PRRC2C: variants seen among roughly 807,000 people sequenced by gnomAD.
PRRC2C encodes the protein proline rich coiled-coil 2C, also known as protein PRRC2C.
PRRC2C carries 72 observed loss-of-function variants against 317.2 expected under a neutral mutation model. That is an observed-to-expected ratio of 0.23 (90% CI 0.19 to 0.28). PRRC2C has a LOEUF of 0.28. PRRC2C is among the 10% of genes least tolerant of loss of function. The pLI is 1.00. For synonymous variants in PRRC2C, 1,296 were observed against 1,205.9 expected, an observed-to-expected ratio of 1.07 and a Z score of -1.55; for missense variants, 3,074 against 3,459.7, an observed-to-expected ratio of 0.89 and a Z score of 2.80.
Position 171,515,823 on chromosome 1 carries a change from G to T in PRRC2C, c.490G>T (p.Asp164Tyr). 1 of 1,611,618 alleles carries T rather than the reference G, an allele frequency of 6.2e-7. No individual in the cohort carries two copies. The highest frequency in any genetic ancestry group is 1.1e-5 in the South Asian group (1 of 90,746). ...QEKKEKETND[D>Y]NYGPGPSLRP... is the part of the protein sequence containing the mutation. ...AAAAAAAGAAAAGGAAACAAATGAT[G>T]ACAACTATGGACCTGGACCCAGTTT... is the stretch of plus-strand genomic sequence containing the variant. Residue 164 changes from aspartate (D) to tyrosine (Y), a missense_variant, in exon 5 of 35, where the codon GAC becomes TAC. By Grantham distance (160) the Asp-to-Tyr change is radical. Transcript: ENST00000647382.
Position 171,539,993 on chromosome 1 carries a change from G to A in PRRC2C, c.2527G>A (p.Glu843Lys). Residue 843 changes from glutamate (E) to lysine (K), a missense_variant, in exon 16 of 35, where the codon GAA becomes AAA. Coordinates refer to ENST00000647382, the MANE Select transcript of PRRC2C (RefSeq NM_001387844.1). The part of the protein sequence containing the change: ...DVRSEAALDQ[E>K]QITAAYSVEH... ...TAGGTCTGAAGCTGCGTTGGACCAG[G>A]AACAGATTACTGCTGCTTATTCTGT... 2.5e-6 allele frequency: 4 copies of A among 1,612,048 alleles called. No individual in the cohort carries two copies. The highest frequency in any genetic ancestry group is 3.4e-6 in the Non-Finnish European group (4 of 1,179,186).
At chr1:171,492,820 T>C (rs1173191980) in intron 1 of PRRC2C, among the ~76,000 whole-genome samples, 1 of 151,822 alleles carries the variant, frequency 6.6e-6, no homozygotes, top group Non-Finnish European at 1.5e-5. Context: ...GGTGCGATCT[T>C]GGCTCACTGC....
chr1:171,573,265 A>G (rs1685087039), intron 24 of PRRC2C, among the ~76,000 whole-genome samples: 2 of 152,356 alleles, frequency 1.3e-5, no homozygotes, highest in Middle Eastern at 3.4e-3. Flanking sequence ...TAAAAACTTC[A>G]AATTATCTTT....
At chr1:171,543,058 T>TG (rs1678277809) in intron 16 of PRRC2C, among the ~76,000 whole-genome samples, 1 of 149,086 alleles carries the variant, frequency 6.7e-6, no homozygotes, top group Admixed American at 6.7e-5. Context: ...CTGCACCTGT[T>TG]GCTTGGCCTG....
intron 24 of PRRC2C, among the ~76,000 whole-genome samples, chr1:171,573,056 A>G (rs557102908): frequency 8.5e-4 from 129 of 152,352 alleles, no homozygotes; most frequent in African/African-American, 3.0e-3. Context: ...TGATGGATCC[A>G]TAGAATAGCA....
intron 17 of PRRC2C, among the ~76,000 whole-genome samples, chr1:171,549,727 A>G (rs1240813084): frequency 1.3e-5 from 2 of 151,850 alleles, no homozygotes; most frequent in East Asian, 3.9e-4. Context: ...ACACACATCT[A>G]ATTTTTGTAT....
At chr1:171,520,716 CAA>C (rs1346379055) in intron 6 of PRRC2C, among the ~76,000 whole-genome samples, 1 of 150,716 alleles carries the variant, frequency 6.6e-6, no homozygotes, top group Non-Finnish European at 1.5e-5. Flanking sequence ...GAGTATCCCT[CAA>C]AGTTTCCCCA....
intron 18 of PRRC2C, among the ~76,000 whole-genome samples, chr1:171,553,072 C>T (rs1222071922): frequency 6.6e-6 from 1 of 152,194 alleles, no homozygotes; most frequent in Non-Finnish European, 1.5e-5. Context: ...TAGAATTCAG[C>T]TCTGAATCTG....
chr1:171,560,093 T>C (rs1682367019), intron 19 of PRRC2C, among the ~76,000 whole-genome samples: 1 of 152,228 alleles, frequency 6.6e-6, no homozygotes, highest in African/African-American at 2.4e-5. Context: ...GTGATTCTTC[T>C]GATGGATCTG....
At chr1:171,579,019 A>T (rs1047525353) in intron 26 of PRRC2C, among the ~76,000 whole-genome samples, 8 of 152,222 alleles carry the variant, frequency 5.3e-5, no homozygotes, top group African/African-American at 1.9e-4. Flanking sequence ...ATTGGAGTAG[A>T]ATTGCTGGTT....
intron 32 of PRRC2C, among the ~76,000 whole-genome samples, chr1:171,588,158 C>T (rs1650485042): frequency 6.6e-6 from 1 of 152,014 alleles, no homozygotes; most frequent in Non-Finnish European, 1.5e-5. Context: ...AAAATATTGT[C>T]CAAGCTGGTC....
At chr1:171,507,763 A>G (rs1670532772) in intron 1 of PRRC2C, among the ~76,000 whole-genome samples, 1 of 152,196 alleles carries the variant, frequency 6.6e-6, no homozygotes. Flanking sequence ...TGGCTTGTTA[A>G]CAATATTAAT....
intron 12 of PRRC2C, among the ~76,000 whole-genome samples, chr1:171,533,633 T>G (rs1229121338): frequency 3.3e-5 from 5 of 152,172 alleles, no homozygotes; most frequent in Admixed American, 6.5e-5. Context: ...TGGTGGTTGT[T>G]GTTGTTTTTG....
intron 18 of PRRC2C, among the ~76,000 whole-genome samples, chr1:171,553,886 A>G (rs1412296623): frequency 1.3e-5 from 2 of 152,328 alleles, no homozygotes; most frequent in African/African-American, 2.4e-5. Context: ...CTTACTTCCA[A>G]CTATTTGGTC....
In PRRC2C at chr1:171,541,729, G is replaced by A. The variant is rs147829253; in HGVS notation, c.4263G>A (p.Arg1421=). 49 of 1,613,776 alleles carry A rather than the reference G, an allele frequency of 3.0e-5. No individual in the cohort carries two copies. The highest frequency in any genetic ancestry group is 6.7e-5 in the African/African-American group (5 of 74,894). ...FERKFDPARE[R]PRRQRPTRPP... Reference sequence around the variant, plus strand: ...GAAAATTTGACCCAGCTAGAGAAAGGCCTCGAAGGCAGCGTCCTACTCGAC... The same window carrying A: ...GAAAATTTGACCCAGCTAGAGAAAGACCTCGAAGGCAGCGTCCTACTCGAC... Residue 1421 remains arginine (R), a synonymous_variant, in exon 16 of 35, where the codon AGG becomes AGA. Transcript: ENST00000647382. The surrounding 1 kb of genome is among the most constrained non-coding windows in gnomAD (Gnocchi z 4.1).
At chr1:171,505,544 T>G (rs929816832) in intron 1 of PRRC2C, among the ~76,000 whole-genome samples, 2 of 151,118 alleles carry the variant, frequency 1.3e-5, no homozygotes, top group Non-Finnish European at 2.9e-5. Context: ...CCTTCCAATT[T>G]GAATTTTTTT....
At chr1:171,542,824 G>A (rs61814672) in intron 16 of PRRC2C, among the ~76,000 whole-genome samples, 22,790 of 151,796 alleles carry the variant, frequency 0.15, 2,313 homozygotes, top group East Asian at 0.44. Flanking sequence ...GCAGTGGCGT[G>A]ATCTCGGCTC....
rs1681705822 is a variant in PRRC2C at position 171,557,580 on chromosome 1, C to A, written c.5468C>A (p.Ala1823Asp). Reference protein sequence around the residue: ...ASASVSASVPASTSAAAITSS... With the variant: ...ASASVSASVPDSTSAAAITSS... ...GCCTCAGTCTCAGCTTCAGTTCCAG[C>A]CTCTACTTCAGCTGCAGCTATAACC... The change falls in exon 19 of 35, where the codon GCC becomes GAC. Residue 1823 changes from alanine (A) to aspartate (D), a missense_variant. By Grantham distance (126) the Ala-to-Asp change is moderately radical (BLOSUM62 -2). Transcript: ENST00000647382. 1 of 1,551,718 alleles carries A rather than the reference C, an allele frequency of 6.4e-7. No individual in the cohort carries two copies. The highest frequency in any genetic ancestry group is 8.7e-7 in the Non-Finnish European group (1 of 1,146,990).
chr1:171,528,006 T>C (rs1384016872), intron 11 of PRRC2C, among the ~76,000 whole-genome samples, 162 bp downstream of exon 11: 1 of 152,180 alleles, frequency 6.6e-6, no homozygotes, highest in African/African-American at 2.4e-5. Context: ...ATTTTCATTC[T>C]CAGTTGATAA....
Sources: allele counts gnomAD v4.1 joint callset (sites outside exome capture counted in the v4.1 genomes callset), GRCh38; gene constraint gnomAD v4.1.1; non-coding constraint Gnocchi (gnomAD v3.1); transcripts MANE v1.5; gene names NCBI Gene and HGNC (gene_info 2026-07-23, HGNC 2026-07-21).